GRID1: variants seen among roughly 807,000 people sequenced by gnomAD.
The protein encoded by GRID1 is glutamate receptor ionotropic, delta-1.
In GRID1, 28 loss-of-function variants were observed where a neutral mutation model predicts 98.0. That is an observed-to-expected ratio of 0.29 (90% CI 0.21 to 0.39). The LOEUF (loss-of-function observed/expected upper bound fraction) is 0.39, where lower values mean the gene tolerates loss of function less well. Among genes scored for constraint, GRID1 ranks in the 10% least tolerant of loss-of-function variants. The probability of loss-of-function intolerance (pLI) is 1.00; values close to 1 mark genes in which losing one functional copy is unlikely to be tolerated. For synonymous variants in GRID1, 553 were observed against 538.5 expected (o/e 1.03, Z -0.37); for missense variants, 1,111 against 1,340.5 (o/e 0.83, Z 2.67).
intron 8 of GRID1, among the ~76,000 whole-genome samples, chr10:85,749,806 C>T (rs923089916): frequency 2.6e-5 from 4 of 152,186 alleles, no homozygotes; most frequent in Non-Finnish European, 2.9e-5. Context: ...TCTTAATAGA[C>T]TTCTTGCATT....
intron 2 of GRID1, among the ~76,000 whole-genome samples, chr10:86,240,620 G>C (rs973568441): frequency 1.3e-5 from 2 of 152,126 alleles, no homozygotes; most frequent in Non-Finnish European, 2.9e-5. Context: ...GCAGAGCTGG[G>C]ACCCTTGAAA....
chr10:85,839,185 C>T (rs1369868585), intron 8 of GRID1, among the ~76,000 whole-genome samples: 1 of 152,086 alleles, frequency 6.6e-6, no homozygotes, highest in African/African-American at 2.4e-5. Flanking sequence ...GACTCCCACA[C>T]AATAATAGTG....
intron 4 of GRID1, among the ~76,000 whole-genome samples, chr10:85,984,576 G>A (rs1358259125): frequency 6.6e-6 from 1 of 152,200 alleles, no homozygotes; most frequent in Non-Finnish European, 1.5e-5. Flanking sequence ...TCACGCTAGT[G>A]AATAGAAGTG....
rs77625490 is a variant in GRID1 at position 86,261,512 on chromosome 10, A to G, written c.236-54864T>C. Among the ~76,000 whole-genome samples, 546 of 152,236 alleles carry G rather than the reference A, an allele frequency of 3.6e-3. 5 individuals carry two copies. Among genetic ancestry groups the G allele is most frequent in the African/African-American group, 0.011 (470 of 41,556 alleles). ...GCTTTGCTCACCTGGAGAGCACCCA[A>G]TGTACTGGGAAGGAGGTGCTCCACT... On this transcript the variant is annotated intron_variant, in intron 2 of 15. Coordinates refer to ENST00000327946, the MANE Select transcript of GRID1 (RefSeq NM_017551.3).
In GRID1 at chr10:85,691,456, G is replaced by C. The variant is rs373255719; in HGVS notation, c.1997+31547C>G. ...CCCTCTGATTCCCCAGATCCTCGTA[G>C]TGAGCCCCTGGCATCTGCCTGCTGT... is the stretch of plus-strand genomic sequence containing the variant. On this transcript the variant is annotated intron_variant, in intron 12 of 15. Coordinates refer to ENST00000327946, the MANE Select transcript of GRID1 (RefSeq NM_017551.3). 2.0e-5 allele frequency among the ~76,000 whole-genome samples: 3 copies of C among 152,190 alleles called. No homozygotes were observed. The South Asian group carries it at 6.2e-4, about 32-fold the overall frequency.
intron 2 of GRID1, chr10:86,264,787 C>T (rs1291953088): frequency 2.0e-6 from 1 of 488,382 alleles, no homozygotes; most frequent in Admixed American, 2.2e-5. Flanking sequence ...AACACAGAGA[C>T]CTCCCACACG....
At chr10:86,262,172 A>G (rs1174387358) in intron 2 of GRID1, among the ~76,000 whole-genome samples, 2 of 152,214 alleles carry the variant, frequency 1.3e-5, no homozygotes, top group Non-Finnish European at 2.9e-5. Flanking sequence ...GCTGATCTGA[A>G]AGCAGTTAGT....
intron 15 of GRID1, chr10:85,606,559 T>C (rs1436459607): frequency 6.6e-6 from 1 of 152,232 alleles, no homozygotes; most frequent in Admixed American, 6.5e-5. Flanking sequence ...TGTCTCACAA[T>C]GTGTCCTTTA....
intron 4 of GRID1, among the ~76,000 whole-genome samples, chr10:86,097,089 C>A (rs1316580684): frequency 6.6e-6 from 1 of 152,192 alleles, no homozygotes; most frequent in Non-Finnish European, 1.5e-5. Context: ...GGTCTTCAGG[C>A]CTTTGGCCTT....
intron 5 of GRID1, among the ~76,000 whole-genome samples, chr10:85,902,798 A>ATTC (rs1194814695): frequency 6.6e-6 from 1 of 152,144 alleles, no homozygotes; most frequent in East Asian, 1.9e-4. Context: ...CTTTCCCGGC[A>ATTC]TTCCCCTTCT....
intron 8 of GRID1, among the ~76,000 whole-genome samples, chr10:85,787,036 T>C (rs1842436089): frequency 6.6e-6 from 1 of 152,148 alleles, no homozygotes; most frequent in African/African-American, 2.4e-5. Flanking sequence ...CCATCCACCA[T>C]CTCCCATCAA....
At chr10:86,326,689 C>G (rs72845112) in intron 2 of GRID1, among the ~76,000 whole-genome samples, 2,433 of 152,276 alleles carry the variant, frequency 0.016, 28 homozygotes, top group Non-Finnish European at 0.022. Flanking sequence ...AATCAGGGAG[C>G]TGAAGTCCCA....
chr10:85,842,476 T>A (rs1554834851), intron 8 of GRID1, among the ~76,000 whole-genome samples: 1 of 151,690 alleles, frequency 6.6e-6, no homozygotes, highest in Non-Finnish European at 1.5e-5. Flanking sequence ...AATAAAAATT[T>A]AAAAAATCAA....
At chr10:86,258,540 T>G (rs1008066011) in intron 2 of GRID1, among the ~76,000 whole-genome samples, 4 of 152,180 alleles carry the variant, frequency 2.6e-5, no homozygotes, top group Admixed American at 1.3e-4. Flanking sequence ...CACAGCATCT[T>G]TATTCCAAGA....
intron 8 of GRID1, among the ~76,000 whole-genome samples, chr10:85,813,395 T>C (rs992269050): frequency 6.6e-6 from 1 of 151,312 alleles, no homozygotes; most frequent in African/African-American, 2.4e-5. Flanking sequence ...GAATCACCAT[T>C]GATTTCTCAT....
intron 2 of GRID1, among the ~76,000 whole-genome samples, chr10:86,348,490 C>T (rs1848419669): frequency 6.6e-6 from 1 of 152,210 alleles, no homozygotes; most frequent in African/African-American, 2.4e-5. Flanking sequence ...GGCCAGAGGC[C>T]AGACCACGAG....
At chr10:85,618,757 G>A (rs1007873872) in intron 14 of GRID1, among the ~76,000 whole-genome samples, 1 of 152,134 alleles carries the variant, frequency 6.6e-6, no homozygotes, top group Admixed American at 6.5e-5. Flanking sequence ...AAGGGAGGTC[G>A]TGGTGCTTGG....
chr10:85,702,237 G>A (rs1175513885), intron 12 of GRID1, among the ~76,000 whole-genome samples: 1 of 151,958 alleles, frequency 6.6e-6, no homozygotes, highest in East Asian at 1.9e-4. Context: ...AGTACTAGCA[G>A]AGTCAAAGCA....
chr10:86,067,213 G>A (rs1843731603), intron 4 of GRID1, among the ~76,000 whole-genome samples: 1 of 152,210 alleles, frequency 6.6e-6, no homozygotes, highest in African/African-American at 2.4e-5. Context: ...CTTAGCAAAT[G>A]CTGATTAGAG....
Sources: allele counts gnomAD v4.1 joint callset (sites outside exome capture counted in the v4.1 genomes callset), GRCh38; gene constraint gnomAD v4.1.1; transcripts MANE v1.5; gene names NCBI Gene and HGNC (gene_info 2026-07-23, HGNC 2026-07-21).